The following SOX5 variants were observed in gnomAD, a reference collection of about 807,000 sequenced individuals.
SOX5 encodes the protein SRY-box transcription factor 5.
Under a neutral mutation model 92.0 loss-of-function variants are expected in SOX5, and 9 were observed. That is an observed-to-expected ratio of 0.10 (90% CI 0.06 to 0.17). The LOEUF (loss-of-function observed/expected upper bound fraction) is 0.17, where lower values mean the gene tolerates loss of function less well. Ranked by LOEUF, SOX5 falls within the 10% of genes least tolerant of loss-of-function variation. The pLI is 1.00. For missense variants in SOX5, 642 were observed against 944.5 expected (o/e 0.68, Z 4.20); for synonymous variants, 344 against 336.3 (o/e 1.02, Z -0.25).
At chr12:24,495,608 AAAC>A (rs1305251183) in intron 1 of SOX5, among the ~76,000 whole-genome samples, 4 of 152,180 alleles carry the variant, frequency 2.6e-5, no homozygotes, top group Non-Finnish European at 5.9e-5. Context: ...TCAGCCTCCA[AAAC>A]AACAACATCA....
At chr12:24,290,273 G>C (rs1020499946) in intron 2 of SOX5, among the ~76,000 whole-genome samples, 2 of 152,172 alleles carry the variant, frequency 1.3e-5, no homozygotes, top group Non-Finnish European at 2.9e-5. Context: ...TCAGTAAACA[G>C]AGGGGAATGA....
At chr12:24,396,480 A>G (rs1353263595) in intron 1 of SOX5, among the ~76,000 whole-genome samples, 1 of 152,228 alleles carries the variant, frequency 6.6e-6, no homozygotes, top group Non-Finnish European at 1.5e-5. Context: ...AGCTCATTTC[A>G]TTTAGAGCTG....
chr12:23,964,931 A>C (rs1333376472), intron 4 of SOX5, among the ~76,000 whole-genome samples: 2 of 152,232 alleles, frequency 1.3e-5, no homozygotes, highest in African/African-American at 4.8e-5. Flanking sequence ...CGAAGAAATC[A>C]ACTTGAAGAA....
chr12:24,282,723 G>A (rs1323204398), intron 2 of SOX5, among the ~76,000 whole-genome samples: 7 of 152,108 alleles, frequency 4.6e-5, no homozygotes, highest in Non-Finnish European at 1.5e-5. Context: ...TACTATTAGC[G>A]CCGCTCCCAT....
At chr12:24,134,571 G>T (rs368510567) in intron 4 of SOX5, among the ~76,000 whole-genome samples, 1 of 152,030 alleles carries the variant, frequency 6.6e-6, no homozygotes, top group African/African-American at 2.4e-5. Context: ...ACAAAACCAG[G>T]CTTCTGATCC....
At chr12:23,806,766 A>T (rs1377090181) in intron 3 of SOX5, among the ~76,000 whole-genome samples, 1 of 152,104 alleles carries the variant, frequency 6.6e-6, no homozygotes, top group East Asian at 1.9e-4. Context: ...AATAGAATAC[A>T]AGGTACAATG....
intron 4 of SOX5, among the ~76,000 whole-genome samples, chr12:24,074,012 C>T (rs1271381105): frequency 1.3e-5 from 2 of 152,050 alleles, no homozygotes; most frequent in African/African-American, 4.8e-5. Flanking sequence ...ACACTGCACT[C>T]TAGCCTGGAT....
chr12:24,178,277 A>T (rs1955059193), intron 4 of SOX5, among the ~76,000 whole-genome samples: 1 of 140,490 alleles, frequency 7.1e-6, no homozygotes. Flanking sequence ...CCATTTAAGC[A>T]CTGCAAGTAT....
intron 3 of SOX5, among the ~76,000 whole-genome samples, chr12:23,835,177 C>T (rs188645649): frequency 3.3e-5 from 5 of 151,830 alleles, no homozygotes; most frequent in Non-Finnish European, 5.9e-5. Context: ...TTAAGATAGT[C>T]GGTTGCCTTC....
At chr12:23,676,919 T>G (rs1227047491) in intron 6 of SOX5, among the ~76,000 whole-genome samples, 1 of 152,186 alleles carries the variant, frequency 6.6e-6, no homozygotes, top group African/African-American at 2.4e-5. Context: ...CATAGCTAAC[T>G]CATATTGGTA....
intron 4 of SOX5, among the ~76,000 whole-genome samples, chr12:24,039,581 T>C (rs1422258224): frequency 6.6e-6 from 1 of 152,200 alleles, no homozygotes; most frequent in Non-Finnish European, 1.5e-5. Flanking sequence ...GGGAAACATA[T>C]ATACCTGAGG....
intron 1 of SOX5, among the ~76,000 whole-genome samples, chr12:24,401,708 T>TAAAAAAA (rs71063321): frequency 3.0e-5 from 3 of 99,462 alleles, no homozygotes; most frequent in African/African-American, 1.2e-4. Context: ...ACCCTATCTT[T>TAAAAAAA]AAAAAAAAAA....
chr12:24,130,414 G>A (rs1228877143), intron 4 of SOX5, among the ~76,000 whole-genome samples: 1 of 152,184 alleles, frequency 6.6e-6, no homozygotes, highest in Non-Finnish European at 1.5e-5. Flanking sequence ...AAGAGGGCAG[G>A]TGGTATAAAA....
chr12:23,669,668 T>C (rs2084427442), intron 6 of SOX5, among the ~76,000 whole-genome samples: 1 of 151,216 alleles, frequency 6.6e-6, no homozygotes, highest in Non-Finnish European at 1.5e-5. Flanking sequence ...AAAAGAAATA[T>C]TTAAGAAAAA....
At chr12:23,814,742 C>A (rs556797609) in intron 3 of SOX5, among the ~76,000 whole-genome samples, 8 of 152,284 alleles carry the variant, frequency 5.3e-5, no homozygotes, top group African/African-American at 1.7e-4. Context: ...ACGTTAGAGA[C>A]TGAAGCAAAC....
chr12:24,532,648 T>A (rs113291808), intron 1 of SOX5, among the ~76,000 whole-genome samples: 3,459 of 152,238 alleles, frequency 0.023, 97 homozygotes, highest in Middle Eastern at 0.071. Context: ...GGCAAAAAAA[T>A]TAAAATGTTA....
intron 2 of SOX5, among the ~76,000 whole-genome samples, chr12:23,862,297 C>CA (rs1186133543): frequency 1.3e-5 from 2 of 152,066 alleles, no homozygotes; most frequent in Non-Finnish European, 2.9e-5. Context: ...TTAAAGGCCC[C>CA]ATGTCTCTGG....
chr12:23,751,855 A>G (rs1260266019), intron 4 of SOX5, among the ~76,000 whole-genome samples: 2 of 151,918 alleles, frequency 1.3e-5, no homozygotes, highest in Non-Finnish European at 2.9e-5. Context: ...CAGATTCAAC[A>G]GTTTGTGGGC....
chr12:24,537,832 G>A (rs1267348419), intron 1 of SOX5, among the ~76,000 whole-genome samples: 1 of 152,086 alleles, frequency 6.6e-6, no homozygotes, highest in Non-Finnish European at 1.5e-5. Context: ...CCATCCCCTG[G>A]GAAGTTGCTT....
Sources: gnomAD v4.1 joint callset for allele counts (sites outside exome capture counted in the v4.1 genomes callset) on GRCh38, gnomAD v4.1.1 for gene constraint, MANE v1.5 for transcripts, NCBI Gene and HGNC (gene_info 2026-07-23, HGNC 2026-07-21) for gene names.